TECRL: variants seen among roughly 807,000 people sequenced by gnomAD.
TECRL encodes trans-2,3-enoyl-CoA reductase like, also known as trans-2,3-enoyl-CoA reductase-like.
TECRL carries 63 observed loss-of-function variants against 52.8 expected under a neutral mutation model. The observed-to-expected ratio is 1.19, with a 90% confidence interval of 0.97 to 1.47. TECRL has a LOEUF of 1.47. Among genes scored for constraint, TECRL ranks in the 40% most tolerant of loss-of-function variants. The probability of loss-of-function intolerance (pLI) is 0.00; values close to 1 mark genes in which losing one functional copy is unlikely to be tolerated. For missense variants in TECRL, 482 were observed against 429.6 expected (o/e 1.12, Z -1.08); for synonymous variants, 164 against 141.9 (o/e 1.16, Z -1.10).
intron 7 of TECRL, among the ~76,000 whole-genome samples, chr4:64,303,561 G>A (rs944370920): frequency 6.6e-6 from 1 of 151,688 alleles, no homozygotes; most frequent in African/African-American, 2.4e-5. Flanking sequence ...TGGAAAATCT[G>A]CCTACATTTT....
intron 5 of TECRL, among the ~76,000 whole-genome samples, chr4:64,312,862 A>ATGT (rs1717142718): frequency 6.6e-6 from 1 of 152,112 alleles, no homozygotes; most frequent in Non-Finnish European, 1.5e-5. Flanking sequence ...TATATGTTAC[A>ATGT]TATTTAGCCT....
intron 4 of TECRL, among the ~76,000 whole-genome samples, chr4:64,318,545 A>G (rs1717668151): frequency 1.3e-5 from 2 of 152,078 alleles, no homozygotes; most frequent in African/African-American, 2.4e-5. Flanking sequence ...AATTGTGCAT[A>G]TCATAGTCAA....
At chr4:64,392,212 A>G (rs758724264) in intron 1 of TECRL, among the ~76,000 whole-genome samples, 5 of 151,920 alleles carry the variant, frequency 3.3e-5, no homozygotes, top group African/African-American at 7.2e-5. Flanking sequence ...TGATAAATGT[A>G]TGCATTCCAC....
intron 2 of TECRL, among the ~76,000 whole-genome samples, chr4:64,348,785 A>G (rs1412511605): frequency 2.0e-5 from 3 of 152,112 alleles, no homozygotes; most frequent in Non-Finnish European, 2.9e-5. Context: ...CTCATCCTAT[A>G]TACAATTTTT....
At chr4:64,355,814 T>A (rs1232393912) in intron 2 of TECRL, among the ~76,000 whole-genome samples, 4 of 108,432 alleles carry the variant, frequency 3.7e-5, no homozygotes, top group Middle Eastern at 5.0e-3. Context: ...AAAGAATAAG[T>A]TAAAACATTA....
At chr4:64,340,330 T>C (rs1719469924) in intron 2 of TECRL, among the ~76,000 whole-genome samples, 1 of 152,180 alleles carries the variant, frequency 6.6e-6, no homozygotes, top group Admixed American at 6.5e-5. Context: ...ACCCAAATCA[T>C]GGCTGCAGGC....
intron 1 of TECRL, among the ~76,000 whole-genome samples, chr4:64,382,223 A>G: frequency 3.4e-4 from 1 of 2,914 alleles, no homozygotes; most frequent in African/African-American, 4.0e-4. Context: ...ATATATATAT[A>G]TATATATATA....
chr4:64,279,702 T>A lies in TECRL; in HGVS notation c.*370A>T. Reference sequence around the variant, plus strand: ...AAAATATACTTATTGACCATGTATATGTCTTCCTTTGGGAAATGTCTGTTC... The same window carrying A: ...AAAATATACTTATTGACCATGTATAAGTCTTCCTTTGGGAAATGTCTGTTC... On this transcript the variant is annotated 3_prime_UTR_variant, in exon 12 of 12. Transcript: ENST00000381210. 4 of 771,156 alleles carry A rather than the reference T, an allele frequency of 5.2e-6. No individual in the cohort carries two copies. Among genetic ancestry groups the A allele is most frequent in the Non-Finnish European group, 6.3e-6 (4 of 634,326 alleles). The allele number at this position is 771,156 out of a possible 1,614,324, so 47.8% of individuals were successfully genotyped here.
At chr4:64,352,000 C>A (rs535059861) in intron 2 of TECRL, among the ~76,000 whole-genome samples, 35 of 80,934 alleles carry the variant, frequency 4.3e-4, no homozygotes, top group Non-Finnish European at 8.3e-4. Context: ...CTACCTAGCC[C>A]TGAAAAGAAA....
In TECRL at chr4:64,406,018, T is replaced by A. The variant is rs140952646; in HGVS notation, c.234+3100A>T. Among the ~76,000 whole-genome samples the A allele has an allele frequency of 7.7e-3, 1,174 of 152,030 alleles. 14 individuals carry two copies. Among genetic ancestry groups the A allele is most frequent in the African/African-American group, 0.027 (1,104 of 41,474 alleles). On this transcript the variant is annotated intron_variant, in intron 1 of 11. Coordinates refer to ENST00000381210, the MANE Select transcript of TECRL (RefSeq NM_001010874.5). ...TGATGGAAGTGAGTGCCCAAATGAA[T>A]TGGGACTAGGATACAGTGAGAAGAG...
intron 2 of TECRL, among the ~76,000 whole-genome samples, chr4:64,357,949 T>C (rs975752655): frequency 1.3e-5 from 2 of 151,800 alleles, no homozygotes; most frequent in African/African-American, 4.8e-5. Context: ...CATGAACATG[T>C]GATTTCTACA....
At chr4:64,385,990 C>T (rs1202353208) in intron 1 of TECRL, among the ~76,000 whole-genome samples, 1 of 152,136 alleles carries the variant, frequency 6.6e-6, no homozygotes, top group African/African-American at 2.4e-5. Flanking sequence ...GTGTTCTCTC[C>T]TAGATGCCCT....
At chr4:64,309,791 T>C (rs1484562596) in intron 6 of TECRL, 35 bp downstream of exon 6, 6 of 1,317,908 alleles carry the variant, frequency 4.6e-6, no homozygotes, top group Non-Finnish European at 4.4e-6. Context: ...ATATAAAATG[T>C]CTCAATCATT....
intron 2 of TECRL, among the ~76,000 whole-genome samples, chr4:64,361,609 TACACTGCCTGAAAGCAACCA>T (rs1266451944): frequency 6.6e-6 from 1 of 152,080 alleles, no homozygotes; most frequent in Non-Finnish European, 1.5e-5. Flanking sequence ...GAGCTAAACC[TACACTGCCTGAAAGCAACCA>T]GAAAGAAAAC....
At chr4:64,360,901 A>G (rs1721143258) in intron 2 of TECRL, among the ~76,000 whole-genome samples, 1 of 152,198 alleles carries the variant, frequency 6.6e-6, no homozygotes, top group South Asian at 2.1e-4. Flanking sequence ...TCCAGCCTGC[A>G]TAGGGCGCAG....
At chr4:64,300,042 C>T (rs1191889473) in intron 7 of TECRL, 25 bp from the exon 8 acceptor site, 1 of 1,536,378 alleles carries the variant, frequency 6.5e-7, no homozygotes, top group South Asian at 1.3e-5. Context: ...AAGAATATGT[C>T]ATGCAGATAC....
chr4:64,367,920 T>C (rs571574576), intron 2 of TECRL, among the ~76,000 whole-genome samples: 11 of 152,190 alleles, frequency 7.2e-5, no homozygotes, highest in African/African-American at 2.6e-4. Flanking sequence ...GAGTTCATAA[T>C]TTAGTTTCTT....
rs909179524 is a variant in TECRL at position 64,278,920 on chromosome 4, T to C, written c.*1152A>G. The C allele has an allele frequency of 2.0e-5, 3 of 152,260 alleles. No homozygotes were observed. Among genetic ancestry groups the C allele is most frequent in the Non-Finnish European group, 2.9e-5 (2 of 68,034 alleles). 9.4% of individuals were successfully genotyped at this position (152,260 alleles called of 1,614,324 possible). On this transcript the variant is annotated 3_prime_UTR_variant, in exon 12 of 12. Transcript: ENST00000381210. ...CATATGCCCTCCAATTCCATCCATG[T>C]TGTCCTGAATGACAGGAATTCAGTT...
chr4:64,341,899 A>G (rs546885087), intron 2 of TECRL, among the ~76,000 whole-genome samples: 6 of 152,232 alleles, frequency 3.9e-5, no homozygotes, highest in African/African-American at 1.4e-4. Context: ...AGGAGCCAGC[A>G]TGTCTGACTG....
Sources: gnomAD v4.1 joint callset for allele counts (sites outside exome capture counted in the v4.1 genomes callset) on GRCh38, gnomAD v4.1.1 for gene constraint, MANE v1.5 for transcripts, NCBI Gene and HGNC (gene_info 2026-07-23, HGNC 2026-07-21) for gene names.